The following MCTP1 variants were observed in gnomAD, a reference collection of about 807,000 sequenced individuals.
MCTP1 encodes multiple C2 and transmembrane domain containing 1.
MCTP1 carries 69 observed loss-of-function variants against 120.6 expected under a neutral mutation model. The observed-to-expected ratio is 0.57, with a 90% CI of 0.47 to 0.70. The LOEUF (loss-of-function observed/expected upper bound fraction) is 0.70. Ranked by LOEUF, MCTP1 falls within the 30% of genes least tolerant of loss-of-function variation. The probability of loss-of-function intolerance (pLI) is 0.00; values close to 1 mark genes in which losing one functional copy is unlikely to be tolerated. For synonymous variants in MCTP1, 529 were observed against 493.1 expected, an observed-to-expected ratio of 1.07 and a Z score of -0.96; for missense variants, 1,203 against 1,248.8, an observed-to-expected ratio of 0.96 and a Z score of 0.55.
chr5:95,027,910 T>C (rs992121572), intron 1 of MCTP1, among the ~76,000 whole-genome samples: 7 of 152,096 alleles, frequency 4.6e-5, no homozygotes, highest in African/African-American at 1.7e-4. Context: ...AGTGTCAGAA[T>C]ACAGTAATAT....
intron 1 of MCTP1, among the ~76,000 whole-genome samples, chr5:95,051,100 CT>C (rs1185233201): frequency 6.6e-6 from 1 of 152,176 alleles, no homozygotes; most frequent in Admixed American, 6.5e-5. Context: ...TAAATTTCTG[CT>C]GTTTAAACCA....
chr5:95,247,546 C>A (rs1051247905), intron 1 of MCTP1, among the ~76,000 whole-genome samples: 3 of 152,188 alleles, frequency 2.0e-5, no homozygotes, highest in African/African-American at 7.2e-5. Flanking sequence ...AAATTCTCCT[C>A]TACATGCTGC....
intron 1 of MCTP1, among the ~76,000 whole-genome samples, chr5:95,277,351 A>T (rs148264872): frequency 1.1e-3 from 162 of 152,312 alleles, no homozygotes; most frequent in South Asian, 4.8e-3. Context: ...ACCAGAATTA[A>T]AGTCTAGGCT....
rs114603919 is a variant in MCTP1 at position 94,915,753 on chromosome 5, A to G, written c.1350+2143T>C. 2.6e-3 allele frequency among the ~76,000 whole-genome samples: 391 copies of G among 152,150 alleles called. 2 individuals carry two copies. Among genetic ancestry groups the G allele is most frequent in the African/African-American group, 8.8e-3 (365 of 41,544 alleles). On this transcript the variant is annotated intron_variant, in intron 8 of 22. Coordinates refer to ENST00000515393, the MANE Select transcript of MCTP1 (RefSeq NM_024717.7). ...AAAGCCATTTTCACCCTGTAAGTCAAGTTCATGTTCTCATGTAAAGCTCAC... is the reference window on the plus strand; with the variant it reads ...AAAGCCATTTTCACCCTGTAAGTCAGGTTCATGTTCTCATGTAAAGCTCAC...
chr5:95,038,564 T>C (rs1262319474), intron 1 of MCTP1, among the ~76,000 whole-genome samples: 7 of 152,132 alleles, frequency 4.6e-5, no homozygotes, highest in Non-Finnish European at 8.8e-5. Flanking sequence ...GTTCAGTGGA[T>C]GGAGAGGGAA....
intron 18 of MCTP1, among the ~76,000 whole-genome samples, chr5:94,794,653 T>C (rs1223861271): frequency 6.6e-6 from 1 of 152,154 alleles, no homozygotes; most frequent in Non-Finnish European, 1.5e-5. Flanking sequence ...ACTTGTAAAA[T>C]GGGGAAAAAA....
chr5:94,970,204 T>C (rs900411784), intron 2 of MCTP1, among the ~76,000 whole-genome samples: 25 of 151,910 alleles, frequency 1.6e-4, no homozygotes, highest in Admixed American at 6.6e-4. Flanking sequence ...TTAGGCTTAG[T>C]TTTCTCTCCT....
rs140392521 is a variant in MCTP1 at position 94,720,783 on chromosome 5, T to C, written c.2611-5897A>G. Among the ~76,000 whole-genome samples, 344 of 152,364 alleles carry C rather than the reference T, an allele frequency of 2.3e-3. 3 individuals are homozygous for C. The highest frequency in any genetic ancestry group is 7.3e-3 in the African/African-American group (305 of 41,594). On this transcript the variant is annotated intron_variant, in intron 19 of 22. Transcript: ENST00000515393. ...TTAGAAGAAATAAATGAACTGGTACTTGGCTTGTCTATTTTTAATATTTTT... is the reference window on the plus strand; with the variant it reads ...TTAGAAGAAATAAATGAACTGGTACCTGGCTTGTCTATTTTTAATATTTTT...
chr5:95,213,760 G>A (rs1333565417), intron 1 of MCTP1, among the ~76,000 whole-genome samples: 8 of 152,190 alleles, frequency 5.3e-5, no homozygotes, highest in Non-Finnish European at 1.2e-4. Context: ...ACAAGCAATG[G>A]GGAAAGGATT....
At chr5:94,794,133 C>T (rs1779524029) in intron 18 of MCTP1, among the ~76,000 whole-genome samples, 1 of 152,218 alleles carries the variant, frequency 6.6e-6, no homozygotes. Context: ...CCCCACTCTT[C>T]AGTCTTTTAA....
chr5:95,216,289 G>T (rs879738391), intron 1 of MCTP1, among the ~76,000 whole-genome samples: 7 of 152,290 alleles, frequency 4.6e-5, no homozygotes, highest in East Asian at 1.9e-4. Context: ...GGCAGAATTG[G>T]AGACACTGTT....
chr5:95,087,883 T>C (rs1755552625), intron 1 of MCTP1, among the ~76,000 whole-genome samples: 1 of 152,166 alleles, frequency 6.6e-6, no homozygotes, highest in South Asian at 2.1e-4. Flanking sequence ...AGGGAGACCT[T>C]GCTTAAAACT....
intron 1 of MCTP1, among the ~76,000 whole-genome samples, chr5:95,094,180 A>G (rs567902287): frequency 6.6e-6 from 1 of 152,344 alleles, no homozygotes; most frequent in East Asian, 1.9e-4. Flanking sequence ...TTATGCAGCA[A>G]TAGGTAACTG....
At chr5:95,198,231 T>C (rs1321083608) in intron 1 of MCTP1, among the ~76,000 whole-genome samples, 2 of 152,156 alleles carry the variant, frequency 1.3e-5, no homozygotes, top group African/African-American at 4.8e-5. Context: ...GGAAACTTTC[T>C]CTGTTCTCAT....
intron 2 of MCTP1, among the ~76,000 whole-genome samples, chr5:94,978,798 T>G (rs1351501360): frequency 1.3e-5 from 2 of 152,070 alleles, no homozygotes; most frequent in Non-Finnish European, 1.5e-5. Flanking sequence ...GCTCCTATAT[T>G]AATATTGTAC....
chr5:94,957,099 G>A (rs1339690343), intron 2 of MCTP1, among the ~76,000 whole-genome samples: 4 of 152,148 alleles, frequency 2.6e-5, no homozygotes, highest in Non-Finnish European at 2.9e-5. Context: ...AGAAGAGACT[G>A]GGGGCCAATA....
chr5:95,008,513 T>C (rs932504630), intron 2 of MCTP1, among the ~76,000 whole-genome samples: 25 of 152,144 alleles, frequency 1.6e-4, no homozygotes, highest in African/African-American at 5.3e-4. Flanking sequence ...TGTCAGTCAT[T>C]TTGTTGATCA....
At chr5:95,273,596 C>T (rs1582711429) in intron 1 of MCTP1, among the ~76,000 whole-genome samples, 1 of 152,168 alleles carries the variant, frequency 6.6e-6, no homozygotes, top group Non-Finnish European at 1.5e-5. Flanking sequence ...TTCTTTTGCT[C>T]TATTAACACT....
chr5:94,762,073 G>A (rs1283025444), intron 19 of MCTP1, among the ~76,000 whole-genome samples: 1 of 152,194 alleles, frequency 6.6e-6, no homozygotes, highest in Non-Finnish European at 1.5e-5. Context: ...GTGCCCCAGT[G>A]AGCCCAGTCA....
Sources: allele counts gnomAD v4.1 joint callset (sites outside exome capture counted in the v4.1 genomes callset), GRCh38; gene constraint gnomAD v4.1.1; transcripts MANE v1.5; gene names NCBI Gene and HGNC (gene_info 2026-07-23, HGNC 2026-07-21).